Variants in WWOX observed in about 807,000 individuals in gnomAD.
WWOX encodes the protein WW domain-containing oxidoreductase.
WWOX carries 69 observed loss-of-function variants against 46.2 expected under a neutral mutation model. The observed-to-expected ratio is 1.49, with a 90% CI of 1.23 to 1.82. The LOEUF is 1.82. Ranked by LOEUF, WWOX falls within the 40% of genes most tolerant of loss-of-function variation. The pLI, the probability that WWOX is intolerant of heterozygous loss-of-function variation, is 0.00. For missense variants in WWOX, 919 were observed against 542.6 expected (o/e 1.69, Z -6.89); for synonymous variants, 359 against 202.6 (o/e 1.77, Z -6.56).
chr16:78,523,869 G>A (rs2043401327), intron 8 of WWOX, among the ~76,000 whole-genome samples: 1 of 152,218 alleles, frequency 6.6e-6, no homozygotes. Flanking sequence ...AGGAGCTAGA[G>A]TTTTAGGATG....
chr16:78,125,011 C>G (rs1053674707), intron 4 of WWOX, among the ~76,000 whole-genome samples: 1 of 152,146 alleles, frequency 6.6e-6, no homozygotes, highest in African/African-American at 2.4e-5. Context: ...GGAACAAAAT[C>G]AGAATCAAAT....
intron 5 of WWOX, among the ~76,000 whole-genome samples, chr16:78,248,225 C>T (rs116029960): frequency 6.6e-6 from 1 of 152,190 alleles, no homozygotes; most frequent in African/African-American, 2.4e-5. Flanking sequence ...AGGAAACTTA[C>T]AATCATGGTG....
At chr16:78,129,500 CG>C (rs889288594) in intron 4 of WWOX, among the ~76,000 whole-genome samples, 6 of 151,934 alleles carry the variant, frequency 3.9e-5, no homozygotes, top group African/African-American at 1.5e-4. Flanking sequence ...ATGGGACTGC[CG>C]TTGTGTGTGC....
At chr16:79,125,820 C>T (rs2049741238) in intron 8 of WWOX, among the ~76,000 whole-genome samples, 1 of 152,170 alleles carries the variant, frequency 6.6e-6, no homozygotes, top group African/African-American at 2.4e-5. Context: ...TTGCTTTGAG[C>T]AAACAATTAG....
intron 8 of WWOX, among the ~76,000 whole-genome samples, chr16:79,177,634 T>C (rs2150780256): frequency 6.6e-6 from 1 of 152,294 alleles, no homozygotes; most frequent in East Asian, 1.9e-4. Context: ...CCCACTTTAT[T>C]TGGACTAAGG....
intron 4 of WWOX, among the ~76,000 whole-genome samples, chr16:78,156,121 C>T (rs192171463): frequency 1.2e-3 from 177 of 152,242 alleles, no homozygotes; most frequent in African/African-American, 3.8e-3. Flanking sequence ...AGTGTAATTT[C>T]ACAAGACACA....
Position 78,432,633 on chromosome 16 carries a change from C to A in WWOX, c.937C>A (p.Pro313Thr), listed in dbSNP as rs370345936. ...FSNELHRRLS[P>T]RGVTSNAVHP... The stretch of plus-strand genomic sequence containing the variant: ...CAACGAGCTGCACCGTCGCCTCTCC[C>A]CACGCGGGGTCACGTCGAACGCAGT... Residue 313 changes from proline (P) to threonine (T), a missense_variant, in exon 8 of 9, where the codon CCA becomes ACA. Coordinates refer to ENST00000566780, the MANE Select transcript of WWOX (RefSeq NM_016373.4). The A allele has an allele frequency of 6.2e-7, 1 of 1,614,238 alleles. No homozygotes were observed. The highest frequency in any genetic ancestry group is 8.5e-7 in the Non-Finnish European group (1 of 1,180,052).
At chr16:79,019,716 G>C (rs992609406) in intron 8 of WWOX, among the ~76,000 whole-genome samples, 1 of 151,968 alleles carries the variant, frequency 6.6e-6, no homozygotes, top group Admixed American at 6.6e-5. Context: ...GCACACTGAG[G>C]GGCAGACCTC....
intron 8 of WWOX, among the ~76,000 whole-genome samples, chr16:79,151,851 G>T (rs142224514): frequency 7.2e-5 from 11 of 152,316 alleles, no homozygotes; most frequent in African/African-American, 2.6e-4. Flanking sequence ...CTAATGTGAT[G>T]ATAATTCTCT....
At chr16:78,909,941 C>A (rs756472146) in intron 8 of WWOX, among the ~76,000 whole-genome samples, 1 of 152,172 alleles carries the variant, frequency 6.6e-6, no homozygotes, top group Admixed American at 6.5e-5. Flanking sequence ...TCTGGGGTTT[C>A]ATCTTCTCTC....
At chr16:78,880,682 C>G (rs1240791703) in intron 8 of WWOX, among the ~76,000 whole-genome samples, 2 of 152,194 alleles carry the variant, frequency 1.3e-5, no homozygotes, top group Admixed American at 6.5e-5. Context: ...TGCTGATGTA[C>G]TCTTGCTGGC....
In WWOX at chr16:78,350,670, G is replaced by T. The variant is rs752658368; in HGVS notation, c.517-36190G>T. Among the ~76,000 whole-genome samples the T allele has an allele frequency of 8.3e-5, 10 of 121,172 alleles. 3 individuals carry two copies. The highest frequency in any genetic ancestry group is 2.0e-4 in the Non-Finnish European group (10 of 50,644). The allele number at this position is 121,172 out of a possible 152,430, so 79.5% of individuals were successfully genotyped here. On this transcript the variant is annotated intron_variant, in intron 5 of 8. Transcript: ENST00000566780. ...TAGGGCTGAGTAATATTCCATTTAC[G>T]GATATGCCACATTTCATCTATGCAT...
intron 8 of WWOX, among the ~76,000 whole-genome samples, chr16:79,211,034 A>AGTGTGTGTGTGT (rs58334968): frequency 0.19 from 28,318 of 149,476 alleles, 2,827 homozygotes; most frequent in Non-Finnish European, 0.23. Context: ...TATGGTGAGG[A>AGTGTGTGTGTGT]GTGTGTGTGT....
chr16:78,378,267 C>G (rs1224975412), intron 5 of WWOX, among the ~76,000 whole-genome samples: 1 of 152,132 alleles, frequency 6.6e-6, no homozygotes, highest in Non-Finnish European at 1.5e-5. Flanking sequence ...TGAAGAGACT[C>G]TCAAACTCCC....
chr16:79,003,851 C>T (rs2047141265), intron 8 of WWOX, among the ~76,000 whole-genome samples: 1 of 152,136 alleles, frequency 6.6e-6, no homozygotes, highest in African/African-American at 2.4e-5. Flanking sequence ...TAGTCCTGAG[C>T]TCACTGGGAT....
At chr16:78,778,425 G>A (rs909159419) in intron 8 of WWOX, among the ~76,000 whole-genome samples, 4 of 152,214 alleles carry the variant, frequency 2.6e-5, no homozygotes, top group African/African-American at 7.2e-5. Flanking sequence ...CATAATGTCG[G>A]ACCTCAGTAT....
At chr16:78,389,447 C>A (rs561113092) in intron 6 of WWOX, among the ~76,000 whole-genome samples, 1 of 152,130 alleles carries the variant, frequency 6.6e-6, no homozygotes, top group Non-Finnish European at 1.5e-5. Flanking sequence ...TCCTCAAACT[C>A]ATCTGTCTGT....
At chr16:79,032,293 C>G (rs183466109) in intron 8 of WWOX, among the ~76,000 whole-genome samples, 1,472 of 143,932 alleles carry the variant, frequency 0.01, 16 homozygotes, top group African/African-American at 0.036. Context: ...ATAATAGACT[C>G]TATAATGTAG....
intron 8 of WWOX, among the ~76,000 whole-genome samples, chr16:78,611,473 C>G (rs1210153876): frequency 6.6e-6 from 1 of 152,096 alleles, no homozygotes; most frequent in East Asian, 1.9e-4. Flanking sequence ...ATATGACTGC[C>G]CTGCCTCCCT....
Sources: allele counts gnomAD v4.1 joint callset (sites outside exome capture counted in the v4.1 genomes callset), GRCh38; gene constraint gnomAD v4.1.1; transcripts MANE v1.5; gene names NCBI Gene and HGNC (gene_info 2026-07-23, HGNC 2026-07-21).